TRAPPC9: variants seen among roughly 807,000 people sequenced by gnomAD.
The protein encoded by TRAPPC9 is IKK2 binding protein.
In TRAPPC9, 83 loss-of-function variants were observed where a neutral mutation model predicts 124.0. The observed-to-expected ratio is 0.67, with a 90% CI of 0.56 to 0.80. The LOEUF is 0.80. Among genes scored for constraint, TRAPPC9 ranks in the 30% least tolerant of loss-of-function variants. TRAPPC9 has a pLI of 0.00. For synonymous variants in TRAPPC9, 638 were observed against 617.5 expected, an observed-to-expected ratio of 1.03 and a Z score of -0.49; for missense variants, 1,302 against 1,508.3, an observed-to-expected ratio of 0.86 and a Z score of 2.27.
chr8:140,334,524 C>T (rs553739603), intron 9 of TRAPPC9, among the ~76,000 whole-genome samples: 1 of 152,140 alleles, frequency 6.6e-6, no homozygotes, highest in Non-Finnish European at 1.5e-5. Context: ...GTGGCACATG[C>T]CTGTAATCCC....
intron 10 of TRAPPC9, among the ~76,000 whole-genome samples, chr8:140,310,713 G>T (rs2066273814): frequency 6.6e-6 from 1 of 152,072 alleles, no homozygotes; most frequent in Non-Finnish European, 1.5e-5. Context: ...CAGGAAAGGT[G>T]TCCTGGAAAT....
intron 17 of TRAPPC9, among the ~76,000 whole-genome samples, chr8:140,062,966 A>T (rs1029597687): frequency 3.5e-5 from 5 of 143,886 alleles, no homozygotes; most frequent in Non-Finnish European, 6.2e-5. Context: ...AGAGTTTAGC[A>T]TGCCTGGGGA....
At chr8:139,750,057 A>T (rs1819210616) in intron 21 of TRAPPC9, among the ~76,000 whole-genome samples, 1 of 151,940 alleles carries the variant, frequency 6.6e-6, no homozygotes, top group African/African-American at 2.4e-5. Flanking sequence ...CCCCCACCCC[A>T]TCCCATCTCA....
rs539141493 is a variant in TRAPPC9 at position 140,216,631 on chromosome 8, C to T, written c.2556+4828G>A. 5.4e-4 allele frequency among the ~76,000 whole-genome samples: 82 copies of T among 152,308 alleles called. 1 individual carries two copies. The highest frequency in any genetic ancestry group is 5.1e-3 in the Admixed American group (78 of 15,294). On this transcript the variant is annotated intron_variant, in intron 17 of 22. Transcript: ENST00000438773. The surrounding 1 kb of genome is among the most constrained non-coding windows in gnomAD (Gnocchi z 4.1). ...TGGCCTGTCTCCTCTCAGCCCTCTC[C>T]GTGCTCCCGTGCTCAGGACAGCAGG...
chr8:140,440,508 AAAAAG>A (rs1246208272), intron 2 of TRAPPC9, among the ~76,000 whole-genome samples: 5 of 152,084 alleles, frequency 3.3e-5, no homozygotes, highest in Admixed American at 1.3e-4. Context: ...CTCCCAAAAA[AAAAAG>A]AAAAGAAAAG....
intron 21 of TRAPPC9, among the ~76,000 whole-genome samples, chr8:139,798,464 AT>A (rs1563821841): frequency 6.6e-6 from 1 of 152,240 alleles, no homozygotes; most frequent in Non-Finnish European, 1.5e-5. Context: ...AAGGGGGTTG[AT>A]GTGTAACCCA....
Position 139,889,830 on chromosome 8 carries a change from G to A in TRAPPC9, c.2965-3861C>T, listed in dbSNP as rs116478632. Among the ~76,000 whole-genome samples the A allele has an allele frequency of 4.0e-3, 614 of 152,280 alleles. 3 individuals are homozygous for A. Among genetic ancestry groups the A allele is most frequent in the African/African-American group, 9.7e-3 (402 of 41,560 alleles). On this transcript the variant is annotated intron_variant, in intron 20 of 22. Coordinates refer to ENST00000438773, the MANE Select transcript of TRAPPC9 (RefSeq NM_001160372.4). Reference sequence around the variant, plus strand: ...AGGACAGCCCCCCTGCGGCCCCCTCGTCCTTCCTAAGGCAATTTTGCAGGC... The same window carrying A: ...AGGACAGCCCCCCTGCGGCCCCCTCATCCTTCCTAAGGCAATTTTGCAGGC...
At position 139,825,634 on chromosome 8, in the gene TRAPPC9, C is replaced by G. The variant is rs983730459; in HGVS notation, c.3055+60245G>C. Among the ~76,000 whole-genome samples, 1 of 152,130 alleles carries G rather than the reference C, an allele frequency of 6.6e-6. No homozygotes were observed. The highest frequency in any genetic ancestry group is 2.4e-5 in the African/African-American group (1 of 41,426). On this transcript the variant is annotated intron_variant, in intron 21 of 22. Transcript: ENST00000438773. This position sits in a 1 kb window ranked among gnomAD's most constrained non-coding sequence, Gnocchi z 4.6. The stretch of plus-strand genomic sequence containing the variant: ...TTCTGAGAAAAAAGTCACTTCCACC[C>G]GGGGGAAATTTCATGGCTCTGGTTT...
chr8:140,131,137 C>T (rs958552736), intron 17 of TRAPPC9, among the ~76,000 whole-genome samples: 1 of 152,084 alleles, frequency 6.6e-6, no homozygotes, highest in Non-Finnish European at 1.5e-5. Context: ...TCTATTATTT[C>T]AAATTTAGAT....
chr8:139,945,330 C>G (rs1834139727), intron 19 of TRAPPC9, among the ~76,000 whole-genome samples: 1 of 151,776 alleles, frequency 6.6e-6, no homozygotes, highest in Admixed American at 6.6e-5. Context: ...AAATAGACTT[C>G]AAGACAAAGA....
chr8:140,117,232 A>G (rs957443472), intron 17 of TRAPPC9, among the ~76,000 whole-genome samples: 4 of 152,238 alleles, frequency 2.6e-5, no homozygotes, highest in African/African-American at 9.6e-5. Context: ...GTGTAAGGAT[A>G]AAAATGAGAT....
At chr8:140,022,432 G>A (rs1201469381) in intron 18 of TRAPPC9, among the ~76,000 whole-genome samples, 5 of 152,138 alleles carry the variant, frequency 3.3e-5, no homozygotes, top group African/African-American at 7.2e-5. Context: ...GACCACCTAC[G>A]CTTCCAAACC....
intron 21 of TRAPPC9, among the ~76,000 whole-genome samples, chr8:139,774,032 G>A (rs1325735504): frequency 1.3e-5 from 2 of 152,196 alleles, no homozygotes; most frequent in Non-Finnish European, 2.9e-5. Flanking sequence ...GCTGGACCAG[G>A]AGCCTGGGGA....
intron 18 of TRAPPC9, among the ~76,000 whole-genome samples, chr8:140,020,419 G>A (rs1051463244): frequency 6.6e-6 from 1 of 152,062 alleles, no homozygotes; most frequent in Non-Finnish European, 1.5e-5. Context: ...TGAGGCCAGG[G>A]GTTTGAGACC....
chr8:140,135,044 G>A (rs980430453), intron 17 of TRAPPC9, among the ~76,000 whole-genome samples: 2 of 152,136 alleles, frequency 1.3e-5, no homozygotes, highest in Admixed American at 6.6e-5. Flanking sequence ...TATAAAAATG[G>A]CCAATAAGCA....
Position 139,986,507 on chromosome 8 carries a change from C to T in TRAPPC9, c.2810+2219G>A, listed in dbSNP as rs576327884. On this transcript the variant is annotated intron_variant, in intron 19 of 22. Transcript: ENST00000438773. ...TAAGGTGAAAAAGATTTACACTGAA[C>T]ACCCCCCATATGCCCATTAAGAGAC... Among the ~76,000 whole-genome samples, 40 of 152,238 alleles carry T rather than the reference C, an allele frequency of 2.6e-4. 1 individual carries two copies. In the South Asian group the frequency reaches 8.3e-3, roughly 32 times the overall value.
rs577311403 is a variant in TRAPPC9, at chr8:140,228,830, G to A, written c.2432-7247C>T. Among the ~76,000 whole-genome samples the A allele has an allele frequency of 2.2e-4, 34 of 152,276 alleles. 1 individual carries two copies. Among genetic ancestry groups the A allele is most frequent in the South Asian group, 1.2e-3 (6 of 4,820 alleles). On this transcript the variant is annotated intron_variant, in intron 16 of 22. Transcript: ENST00000438773. ...CAAATATTTTTTAAAAACTAAAAGG[G>A]TAGTACAACTGTGTTACAGTACAAC... is the stretch of plus-strand genomic sequence containing the variant.
At chr8:139,778,972 C>A (rs532536834) in intron 21 of TRAPPC9, among the ~76,000 whole-genome samples, 12 of 152,226 alleles carry the variant, frequency 7.9e-5, no homozygotes, top group African/African-American at 2.6e-4. Flanking sequence ...CCAAGGCACA[C>A]TATATTGTAA....
At chr8:140,416,737 C>T (rs2069942852) in intron 5 of TRAPPC9, among the ~76,000 whole-genome samples, 2 of 152,068 alleles carry the variant, frequency 1.3e-5, no homozygotes, top group South Asian at 4.1e-4. Context: ...TCATATGGAA[C>T]CAAAAAAGAG....
Sources: allele counts gnomAD v4.1 joint callset (sites outside exome capture counted in the v4.1 genomes callset), GRCh38; gene constraint gnomAD v4.1.1; non-coding constraint Gnocchi (gnomAD v3.1); transcripts MANE v1.5; gene names NCBI Gene and HGNC (gene_info 2026-07-23, HGNC 2026-07-21).